Variants in PIWIL1 observed in about 807,000 individuals in gnomAD.
PIWIL1 encodes the protein piwi like RNA-mediated gene silencing 1, also known as piwi-like protein 1.
Under a neutral mutation model 114.4 loss-of-function variants are expected in PIWIL1, and 73 were observed. The ratio of observed to expected loss-of-function variants is 0.64; its 90% CI spans 0.53 to 0.78. The LOEUF (loss-of-function observed/expected upper bound fraction) is 0.78. Among genes scored for constraint, PIWIL1 ranks in the 30% least tolerant of loss-of-function variants. The pLI is 0.00. For missense variants in PIWIL1, 723 were observed against 1,063.1 expected, an observed-to-expected ratio of 0.68 and a Z score of 4.45; for synonymous variants, 375 against 369.0, an observed-to-expected ratio of 1.02 and a Z score of -0.19.
Position 130,346,391 on chromosome 12 carries a change from G to A in PIWIL1, c.338G>A (p.Arg113Lys). The A allele has an allele frequency of 1.2e-6, 2 of 1,613,820 alleles. No individual in the cohort carries two copies. Among genetic ancestry groups the A allele is most frequent in the Non-Finnish European group, 1.7e-6 (2 of 1,179,720 alleles). ...CCAGGTTCTTCAGGCATTATAGTAA[G>A]GTTAAGCACTAACCATTTCCGGCTG... ...SKTGSSGIIV[R>K]LSTNHFRLTS... The change falls in exon 5 of 21, where the codon AGG becomes AAG. Residue 113 changes from arginine to lysine, a missense_variant. Around this residue, in one of 8 missense-constraint regions of PIWIL1, gnomAD observed 190 missense variants for 294.4 expected, o/e 0.65. Transcript: ENST00000245255.
chr12:130,421,211 C>A, the PIWIL1 span, among the ~76,000 whole-genome samples: 1 of 152,336 alleles, frequency 6.6e-6, no homozygotes, highest in East Asian at 1.9e-4. Context: ...TTGAGAGACA[C>A]ACACTAGGTT....
chr12:130,392,883 T>C, the PIWIL1 span, among the ~76,000 whole-genome samples: 1 of 114,418 alleles, frequency 8.7e-6, no homozygotes, highest in African/African-American at 3.2e-5. Context: ...CTGGTGAGTA[T>C]TGAATGTTGT....
the PIWIL1 span, among the ~76,000 whole-genome samples, chr12:130,389,912 C>A: frequency 6.6e-6 from 1 of 152,184 alleles, no homozygotes; most frequent in African/African-American, 2.4e-5. Flanking sequence ...CTCTCTCTCT[C>A]TATAGCTGAT....
At chr12:130,394,255 C>G in the PIWIL1 span, among the ~76,000 whole-genome samples, 2 of 152,158 alleles carry the variant, frequency 1.3e-5, no homozygotes, top group African/African-American at 2.4e-5. Flanking sequence ...TTGGTAGTCC[C>G]AGGCATCAGT....
At chr12:130,348,852 A>T (rs553101436) in intron 7 of PIWIL1, among the ~76,000 whole-genome samples, 22 of 152,180 alleles carry the variant, frequency 1.4e-4, no homozygotes, top group Non-Finnish European at 3.1e-4. Context: ...GTGAGCCGAG[A>T]TCGTGCCAAC....
the PIWIL1 span, among the ~76,000 whole-genome samples, chr12:130,421,664 T>G: frequency 1.3e-5 from 2 of 150,776 alleles, no homozygotes; most frequent in South Asian, 4.2e-4. Flanking sequence ...CTATTTCTGC[T>G]GTATCAAGAG....
chr12:130,338,269 G>C (rs1293977749), intron 1 of PIWIL1, 123 bp downstream of exon 1: 1 of 319,472 alleles, frequency 3.1e-6, no homozygotes, highest in Non-Finnish European at 6.0e-6. Flanking sequence ...CGAGGTCCCA[G>C]GTGCGGGGGA....
chr12:130,413,914 G>C, the PIWIL1 span, among the ~76,000 whole-genome samples: 1 of 152,206 alleles, frequency 6.6e-6, no homozygotes, highest in Non-Finnish European at 1.5e-5. Context: ...GTGTGTTTGT[G>C]TGCACACAAA....
chr12:130,419,397 A>AT, the PIWIL1 span: 1 of 152,254 alleles, frequency 6.6e-6, no homozygotes, highest in East Asian at 1.9e-4. The surrounding 1 kb of genome is among the most constrained non-coding windows in gnomAD (Gnocchi z 4.3). Context: ...CACTGGTGCC[A>AT]TAAGAATAAG....
chr12:130,423,775 T>C, the PIWIL1 span, among the ~76,000 whole-genome samples: 1 of 145,822 alleles, frequency 6.9e-6, no homozygotes, highest in Non-Finnish European at 1.5e-5. Flanking sequence ...TCGACAATAC[T>C]AGTAGTCATA....
rs146641506 is a variant in PIWIL1 at position 130,340,052 on chromosome 12, T to TG, written c.-13+1910dup. 2.4e-3 allele frequency among the ~76,000 whole-genome samples: 369 copies of TG among 152,106 alleles called. 6 individuals are homozygous for TG. The highest frequency in any genetic ancestry group is 8.3e-3 in the African/African-American group (346 of 41,476). On this transcript the variant is annotated intron_variant, in intron 1 of 20. Coordinates refer to ENST00000245255, the MANE Select transcript of PIWIL1 (RefSeq NM_004764.5). ...GGAGAAGCTATGGAGTGCAGAGATG[T>TG]GGGGAGGGAGAAAACAGGTTACCAT...
At chr12:130,364,758 GC>G (rs1398970156) in intron 18 of PIWIL1, among the ~76,000 whole-genome samples, 3 of 152,094 alleles carry the variant, frequency 2.0e-5, no homozygotes, top group African/African-American at 7.2e-5. Context: ...AGTAAAGGAG[GC>G]TCTGACTTGG....
At chr12:130,362,860 T>G (rs1232590868) in intron 17 of PIWIL1, 24 bp downstream of exon 17, 2 of 1,612,864 alleles carry the variant, frequency 1.2e-6, no homozygotes, top group South Asian at 1.1e-5. Flanking sequence ...GGGGTTGCCA[T>G]TCTACTCTCT....
the PIWIL1 span, among the ~76,000 whole-genome samples, chr12:130,389,763 T>TAA: frequency 1.3e-5 from 2 of 152,224 alleles, no homozygotes; most frequent in African/African-American, 4.8e-5. Flanking sequence ...TCTTTATCTC[T>TAA]TTTCTTCAGT....
rs2073835762 is a variant in PIWIL1 at position 130,372,602 on chromosome 12, A to C, written c.*1004A>C. 2.2e-4 allele frequency: 1 copy of C among 4,490 alleles called. No individual in the cohort carries two copies. Among genetic ancestry groups the C allele is most frequent in the Non-Finnish European group, 4.7e-4 (1 of 2,146 alleles). 0.3% of individuals were successfully genotyped at this position (4,490 alleles called of 1,614,324 possible). ...AACAGAGTGAGACTCCGTCTCAAAA[A>C]AAAAAAAAAAAAAAAAAAAAAAAAA... On this transcript the variant is annotated 3_prime_UTR_variant, in exon 21 of 21. Transcript: ENST00000245255.
the PIWIL1 span, among the ~76,000 whole-genome samples, chr12:130,409,482 G>A: frequency 0.37 from 55,283 of 151,400 alleles, 10,401 homozygotes; most frequent in East Asian, 0.52. Context: ...AGCTGGGACT[G>A]CAGGCGCCCG....
chr12:130,404,895 A>G, the PIWIL1 span, among the ~76,000 whole-genome samples: 1 of 152,178 alleles, frequency 6.6e-6, no homozygotes, highest in Non-Finnish European at 1.5e-5. Context: ...TCTAAGTATT[A>G]AATTCCTATT....
At chr12:130,395,621 T>C in the PIWIL1 span, among the ~76,000 whole-genome samples, 1 of 152,208 alleles carries the variant, frequency 6.6e-6, no homozygotes, top group Admixed American at 6.5e-5. Flanking sequence ...TAAAAAGATA[T>C]TATGGTAGCA....
intron 19 of PIWIL1, among the ~76,000 whole-genome samples, chr12:130,368,041 G>A (rs115736182): frequency 0.013 from 1,926 of 152,180 alleles, 36 homozygotes; most frequent in African/African-American, 0.043. Context: ...CAAGTGATCC[G>A]CTCGCGTCAG....
Sources: gnomAD v4.1 joint callset for allele counts (sites outside exome capture counted in the v4.1 genomes callset) on GRCh38, gnomAD v4.1.1 for gene constraint, gnomAD v4.1.1 regional missense constraint, Gnocchi (gnomAD v3.1) non-coding constraint, MANE v1.5 for transcripts, NCBI Gene and HGNC (gene_info 2026-07-23, HGNC 2026-07-21) for gene names.